KCNB2: variants seen among roughly 807,000 people sequenced by gnomAD.
KCNB2 encodes the protein potassium voltage-gated channel subfamily B member 2, also known as delayed rectifier potassium channel protein.
KCNB2 carries 15 observed loss-of-function variants against 61.5 expected under a neutral mutation model. The observed-to-expected ratio is 0.24, with a 90% CI of 0.16 to 0.38. The LOEUF (loss-of-function observed/expected upper bound fraction) is 0.38. Ranked by LOEUF, KCNB2 falls within the 10% of genes least tolerant of loss-of-function variation. KCNB2 has a pLI of 1.00. For synonymous variants in KCNB2, 457 were observed against 446.0 expected (o/e 1.02, Z -0.31); for missense variants, 828 against 1,125.2 (o/e 0.74, Z 3.78).
At chr8:72,779,799 T>G (rs1808723876) in intron 2 of KCNB2, among the ~76,000 whole-genome samples, 1 of 152,212 alleles carries the variant, frequency 6.6e-6, no homozygotes, top group Non-Finnish European at 1.5e-5. Flanking sequence ...CTGAATATTA[T>G]TCTCAGCTCA....
At chr8:72,894,203 T>C (rs1805949804) in intron 2 of KCNB2, among the ~76,000 whole-genome samples, 1 of 152,052 alleles carries the variant, frequency 6.6e-6, no homozygotes, top group Admixed American at 6.5e-5. Flanking sequence ...ACATTGCAGG[T>C]GTAGGGACAA....
chr8:72,930,652 T>C (rs1806761360), intron 2 of KCNB2, among the ~76,000 whole-genome samples: 1 of 152,246 alleles, frequency 6.6e-6, no homozygotes, highest in South Asian at 2.1e-4. Context: ...TTGTTTGTTT[T>C]TTTCTTGTAA....
At chr8:72,625,172 A>C (rs1222909009) in intron 2 of KCNB2, among the ~76,000 whole-genome samples, 1 of 152,188 alleles carries the variant, frequency 6.6e-6, no homozygotes, top group Non-Finnish European at 1.5e-5. Context: ...TGTTGTTTTA[A>C]GTCACTGAGT....
At chr8:72,802,913 A>G (rs983521529) in intron 2 of KCNB2, among the ~76,000 whole-genome samples, 4 of 152,156 alleles carry the variant, frequency 2.6e-5, no homozygotes, top group African/African-American at 9.7e-5. Context: ...CTTTTGATGA[A>G]TGCTGTGGAA....
chr8:72,610,535 G>A (rs976616648), intron 2 of KCNB2, among the ~76,000 whole-genome samples: 10 of 152,064 alleles, frequency 6.6e-5, no homozygotes, highest in African/African-American at 2.4e-4. Flanking sequence ...GATCTCTTAT[G>A]TATGCAATAA....
intron 1 of KCNB2, among the ~76,000 whole-genome samples, chr8:72,538,327 C>T (rs1806144454): frequency 6.6e-6 from 1 of 151,146 alleles, no homozygotes; most frequent in Non-Finnish European, 1.5e-5. Flanking sequence ...TAGCACGATT[C>T]CTGAGAGGGA....
At position 72,763,933 on chromosome 8, in the gene KCNB2, C is replaced by T. The variant is rs115828881; in HGVS notation, c.580-172002C>T. On this transcript the variant is annotated intron_variant, in intron 2 of 2. Transcript: ENST00000523207. ...AGGAAGGTGGAGGAGAAGCAGCATC[C>T]GAGGCAGAGCAAACAGAATATACAA... Among the ~76,000 whole-genome samples the T allele has an allele frequency of 3.7e-3, 565 of 152,132 alleles. 3 individuals are homozygous for T. The highest frequency in any genetic ancestry group is 0.013 in the African/African-American group (531 of 41,514).
chr8:72,632,866 T>C (rs1805902095), intron 2 of KCNB2, among the ~76,000 whole-genome samples: 1 of 152,224 alleles, frequency 6.6e-6, no homozygotes, highest in African/African-American at 2.4e-5. Flanking sequence ...CTTCCATGTG[T>C]AACTTGCATC....
At chr8:72,649,670 G>T (rs562711729) in intron 2 of KCNB2, among the ~76,000 whole-genome samples, 16 of 152,294 alleles carry the variant, frequency 1.1e-4, no homozygotes, top group Non-Finnish European at 1.9e-4. Context: ...GATGGGAAGT[G>T]TGGGGTCCAA....
At chr8:72,762,450 C>A (rs542205711) in intron 2 of KCNB2, among the ~76,000 whole-genome samples, 3 of 152,302 alleles carry the variant, frequency 2.0e-5, no homozygotes, top group African/African-American at 7.2e-5. Flanking sequence ...GAGTTCTCCT[C>A]CACGCTTAAC....
intron 2 of KCNB2, among the ~76,000 whole-genome samples, chr8:72,609,264 A>C (rs548139290): frequency 1.9e-4 from 29 of 152,346 alleles, no homozygotes; most frequent in African/African-American, 6.5e-4. Context: ...CAGTGCATGT[A>C]GCACATAGGA....
chr8:72,613,685 A>G (rs941817225), intron 2 of KCNB2, among the ~76,000 whole-genome samples: 3 of 152,180 alleles, frequency 2.0e-5, no homozygotes, highest in Non-Finnish European at 2.9e-5. Context: ...GGGGTATCCG[A>G]TGACCATATT....
intron 2 of KCNB2, among the ~76,000 whole-genome samples, chr8:72,599,912 AGTTAGAATGGC>A (rs1680825658): frequency 6.6e-6 from 1 of 152,216 alleles, no homozygotes; most frequent in South Asian, 2.1e-4. Context: ...ATCTCACACC[AGTTAGAATGGC>A]GATCATTAAA....
intron 2 of KCNB2, among the ~76,000 whole-genome samples, chr8:72,807,554 C>T (rs1420542524): frequency 1.3e-5 from 2 of 152,192 alleles, no homozygotes; most frequent in Non-Finnish European, 2.9e-5. Context: ...TCAGACTAAC[C>T]TTGCTTGGAA....
In KCNB2 at chr8:72,724,715, C is replaced by T. The variant is rs148411125; in HGVS notation, c.579+156402C>T. ...TTGTATATCTGAAGTTCAAAGTTAA[C>T]GATGCATCCTGTATTTTTTCTTGCT... On this transcript the variant is annotated intron_variant, in intron 2 of 2. Transcript: ENST00000523207. Among the ~76,000 whole-genome samples, 210 of 152,192 alleles carry T rather than the reference C, an allele frequency of 1.4e-3. 2 individuals carry two copies. The highest frequency in any genetic ancestry group is 4.6e-3 in the African/African-American group (191 of 41,508).
chr8:72,935,482 T>C (rs1173491418), intron 2 of KCNB2, among the ~76,000 whole-genome samples: 1 of 152,204 alleles, frequency 6.6e-6, no homozygotes, highest in Non-Finnish European at 1.5e-5. Flanking sequence ...TCTCTCCAGG[T>C]GTCGGTCTGA....
At chr8:72,884,157 T>C (rs1163706631) in intron 2 of KCNB2, among the ~76,000 whole-genome samples, 2 of 152,338 alleles carry the variant, frequency 1.3e-5, no homozygotes, top group East Asian at 3.9e-4. Context: ...AATTTTTGTT[T>C]TTTGATTTCT....
At chr8:72,581,249 C>T (rs1291166385) in intron 2 of KCNB2, among the ~76,000 whole-genome samples, 1 of 152,182 alleles carries the variant, frequency 6.6e-6, no homozygotes, top group African/African-American at 2.4e-5. Flanking sequence ...CCACTACTTC[C>T]TTCTCTGTCC....
intron 1 of KCNB2, among the ~76,000 whole-genome samples, chr8:72,541,482 C>T (rs1806186566): frequency 2.6e-5 from 4 of 152,100 alleles, no homozygotes; most frequent in Admixed American, 1.3e-4. Context: ...CCTAGGTGCT[C>T]TGGCTTCACT....
Sources: allele counts gnomAD v4.1 joint callset (sites outside exome capture counted in the v4.1 genomes callset), GRCh38; gene constraint gnomAD v4.1.1; transcripts MANE v1.5; gene names NCBI Gene and HGNC (gene_info 2026-07-23, HGNC 2026-07-21).